Variants in RANBP9 observed in about 807,000 individuals in gnomAD.
RANBP9 encodes the protein RAN binding protein 9, also known as ran-binding protein 9.
Under a neutral mutation model 84.3 loss-of-function variants are expected in RANBP9, and 15 were observed. That is an observed-to-expected ratio of 0.18 (90% CI 0.12 to 0.27). The LOEUF (loss-of-function observed/expected upper bound fraction) is 0.27. RANBP9 is among the 10% of genes least tolerant of loss of function. RANBP9 has a pLI of 1.00. For synonymous variants in RANBP9, 392 were observed against 349.6 expected (o/e 1.12, Z -1.35); for missense variants, 809 against 912.8 (o/e 0.89, Z 1.46).
chr6:13,704,957 T>G (rs1013143251), intron 1 of RANBP9, among the ~76,000 whole-genome samples: 2 of 152,210 alleles, frequency 1.3e-5, no homozygotes, highest in East Asian at 1.9e-4. Context: ...TACTCTATTT[T>G]ATGTCCTCTG....
chr6:13,628,650 A>G (rs538740846), intron 12 of RANBP9, among the ~76,000 whole-genome samples: 2 of 152,356 alleles, frequency 1.3e-5, no homozygotes, highest in South Asian at 4.1e-4. Flanking sequence ...TTATACCATC[A>G]AACTCCCAGT....
At chr6:13,633,537 G>A (rs1764849584) in intron 11 of RANBP9, among the ~76,000 whole-genome samples, 1 of 152,144 alleles carries the variant, frequency 6.6e-6, no homozygotes. Flanking sequence ...AAGAAACTGA[G>A]ACACAGAGCA....
intron 2 of RANBP9, among the ~76,000 whole-genome samples, chr6:13,683,772 T>C (rs745816368): frequency 6.6e-6 from 1 of 151,968 alleles, no homozygotes; most frequent in Admixed American, 6.5e-5. Flanking sequence ...AAAAAAAATT[T>C]CTTGGGAAAA....
chr6:13,624,111 C>T (rs1764533741), intron 13 of RANBP9, among the ~76,000 whole-genome samples: 1 of 152,162 alleles, frequency 6.6e-6, no homozygotes, highest in Admixed American at 6.5e-5. Flanking sequence ...AAATATAACA[C>T]ATTAACCAAA....
At chr6:13,665,241 A>G (rs1305288440) in intron 2 of RANBP9, among the ~76,000 whole-genome samples, 1 of 152,212 alleles carries the variant, frequency 6.6e-6, no homozygotes, top group Non-Finnish European at 1.5e-5. Context: ...AAGACCCATA[A>G]AAGAGTAAAC....
At chr6:13,683,540 C>A (rs996836239) in intron 2 of RANBP9, among the ~76,000 whole-genome samples, 2 of 151,888 alleles carry the variant, frequency 1.3e-5, no homozygotes, top group African/African-American at 4.8e-5. Context: ...TCATGTGACT[C>A]AAATACATCT....
intron 2 of RANBP9, among the ~76,000 whole-genome samples, chr6:13,660,150 T>C (rs1765507732): frequency 6.6e-6 from 1 of 152,160 alleles, no homozygotes; most frequent in Admixed American, 6.6e-5. Context: ...AGGCTCAAAA[T>C]TACATATTAA....
In RANBP9 at chr6:13,622,071, GTTTC is replaced by G. The variant is rs1442455239; in HGVS notation, c.*287_*290del. Reference sequence around the variant, plus strand: ...CCCCACAAAGAAGGCAGGATTTTTGGTTTCTTTTAGGTAATTGTTTTAAAGGATT... The same window carrying G: ...CCCCACAAAGAAGGCAGGATTTTTGGTTTTAGGTAATTGTTTTAAAGGATT... On this transcript the variant is annotated 3_prime_UTR_variant, in exon 14 of 14. Transcript: ENST00000011619. 5.3e-6 allele frequency: 1 copy of G among 189,922 alleles called. No homozygotes were observed. Among genetic ancestry groups the G allele is most frequent in the African/African-American group, 2.3e-5 (1 of 42,658 alleles). The allele number at this position is 189,922 out of a possible 1,614,324, so 11.8% of individuals were successfully genotyped here.
intron 3 of RANBP9, 109 bp downstream of exon 3, chr6:13,658,671 A>G: frequency 1.0e-6 from 1 of 960,884 alleles, no homozygotes; most frequent in Non-Finnish European, 1.6e-6. Context: ...AATGATGATT[A>G]AAAACACAGA....
At chr6:13,708,280 GC>G (rs1393007170) in intron 1 of RANBP9, among the ~76,000 whole-genome samples, 2 of 151,982 alleles carry the variant, frequency 1.3e-5, no homozygotes, top group African/African-American at 4.8e-5. Flanking sequence ...TTACAACTTA[GC>G]CCAGCATAGT....
chr6:13,705,875 A>AAAAAAAAAAAAAAAAAAAAAAAG (rs1554107633), intron 1 of RANBP9, among the ~76,000 whole-genome samples: 4 of 150,074 alleles, frequency 2.7e-5, no homozygotes, highest in African/African-American at 1.0e-4. Flanking sequence ...TCTCAAAAAA[A>AAAAAAAAAAAAAAAAAAAAAAAG]AAAAAAAAAA....
chr6:13,690,070 G>C (rs1345046682), intron 2 of RANBP9, among the ~76,000 whole-genome samples: 1 of 152,126 alleles, frequency 6.6e-6, no homozygotes, highest in African/African-American at 2.4e-5. Context: ...ATCGCCCAAT[G>C]ACTCATGTCT....
chr6:13,631,249 A>G (rs1346962768), intron 12 of RANBP9, among the ~76,000 whole-genome samples: 1 of 152,216 alleles, frequency 6.6e-6, no homozygotes, highest in East Asian at 1.9e-4. Context: ...AGTTCAAAGT[A>G]TGATAAATAC....
At chr6:13,642,647 A>G in intron 6 of RANBP9, 56 bp from the exon 7 acceptor site, 1 of 1,185,638 alleles carries the variant, frequency 8.4e-7, no homozygotes, top group Non-Finnish European at 1.2e-6. Flanking sequence ...CATGCTTCAT[A>G]CTACAATTTA....
chr6:13,707,889 T>C (rs748697139), intron 1 of RANBP9, among the ~76,000 whole-genome samples: 1 of 152,258 alleles, frequency 6.6e-6, no homozygotes, highest in Non-Finnish European at 1.5e-5. Flanking sequence ...TATTCAATAC[T>C]GACAACAATT....
intron 5 of RANBP9, among the ~76,000 whole-genome samples, chr6:13,650,754 A>G (rs1765278107): frequency 6.6e-6 from 1 of 152,112 alleles, no homozygotes; most frequent in Admixed American, 6.5e-5. Context: ...TCACATAGAA[A>G]ATCATGGGCA....
At chr6:13,656,720 T>C (rs187589656) in intron 4 of RANBP9, among the ~76,000 whole-genome samples, 212 of 152,262 alleles carry the variant, frequency 1.4e-3, no homozygotes, top group African/African-American at 4.9e-3. Flanking sequence ...TTCCCTTCCT[T>C]TGTTACTATT....
intron 1 of RANBP9, among the ~76,000 whole-genome samples, chr6:13,699,801 G>T (rs533792810): frequency 1.3e-5 from 2 of 152,158 alleles, no homozygotes; most frequent in Non-Finnish European, 2.9e-5. Context: ...GGCAGAAGTT[G>T]CAAGGGCCTG....
chr6:13,647,731 C>A (rs190047186), intron 5 of RANBP9, among the ~76,000 whole-genome samples: 1 of 152,074 alleles, frequency 6.6e-6, no homozygotes, highest in Non-Finnish European at 1.5e-5. Flanking sequence ...GTATTTAATA[C>A]TATACATTAC....
Sources: gnomAD v4.1 joint callset for allele counts (sites outside exome capture counted in the v4.1 genomes callset) on GRCh38, gnomAD v4.1.1 for gene constraint, MANE v1.5 for transcripts, NCBI Gene and HGNC (gene_info 2026-07-23, HGNC 2026-07-21) for gene names.